HSPG2: variants seen among roughly 807,000 people sequenced by gnomAD.
HSPG2 encodes the protein heparan sulfate proteoglycan 2, also known as basement membrane-specific heparan sulfate proteoglycan core protein.
Under a neutral mutation model 526.6 loss-of-function variants are expected in HSPG2, and 278 were observed. The ratio of observed to expected loss-of-function variants is 0.53; its 90% CI spans 0.48 to 0.58. The LOEUF is 0.58. HSPG2 is among the 20% of genes least tolerant of loss of function. The pLI, the probability that HSPG2 is intolerant of heterozygous loss-of-function variation, is 0.00. For synonymous variants in HSPG2, 2,465 were observed against 2,555.4 expected, an observed-to-expected ratio of 0.96 and a Z score of 1.07; for missense variants, 5,354 against 6,099.5, an observed-to-expected ratio of 0.88 and a Z score of 4.07.
intron 1 of HSPG2, among the ~76,000 whole-genome samples, chr1:21,920,964 A>G (rs1038073937): frequency 6.6e-6 from 1 of 152,150 alleles, no homozygotes; most frequent in Non-Finnish European, 1.5e-5. Context: ...CAGATCTTCC[A>G]GCTCATCCCC....
intron 3 of HSPG2, among the ~76,000 whole-genome samples, chr1:21,892,086 C>T (rs1238880225): frequency 6.6e-6 from 1 of 152,246 alleles, no homozygotes; most frequent in Non-Finnish European, 1.5e-5. Context: ...TACTGCCAGG[C>T]CCATCCTCCT....
chr1:21,855,949 G>A (rs781199547), intron 44 of HSPG2, 37 bp from the exon 45 acceptor site: 12 of 1,601,152 alleles, frequency 7.5e-6, no homozygotes, highest in Non-Finnish European at 1.0e-5. Context: ...ACTCAGGGTG[G>A]GGAGTGTCGT....
intron 74 of HSPG2, among the ~76,000 whole-genome samples, chr1:21,838,572 A>G (rs2098036235): frequency 1.3e-5 from 2 of 152,188 alleles, no homozygotes; most frequent in East Asian, 1.9e-4. Flanking sequence ...TGTACACAGA[A>G]TGGTTTCCTT....
rs1331786157 is a variant in HSPG2 at position 21,828,018 on chromosome 1, A to G, written c.12532+12T>C. On this transcript the variant is annotated intron_variant, in intron 90 of 96. Transcript: ENST00000374695. The surrounding 1 kb of genome is among the most constrained non-coding windows in gnomAD (Gnocchi z 6.0). ...GACAGAGATGAAGTGGAGAGAAGCC[A>G]GGCCTGGGTACCTTGTTGGCAGCGT... 1.9e-6 allele frequency: 3 copies of G among 1,613,492 alleles called. No homozygotes were observed. Among genetic ancestry groups the G allele is most frequent in the Admixed American group, 3.3e-5 (2 of 59,978 alleles).
In HSPG2 at chr1:21,835,273, TC is replaced by T. The variant is rs1402435907; in HGVS notation, c.10453+266del. ...TGAGTAGGTGGGACTACAGGTGCGT[TC>T]CACCATGCCCGGTTCACACTGATTC... On this transcript the variant is annotated intron_variant, in intron 76 of 96. Coordinates refer to ENST00000374695, the MANE Select transcript of HSPG2 (RefSeq NM_005529.7). 1.2e-4 allele frequency: 69 copies of T among 597,254 alleles called. 1 individual carries two copies. The Admixed American group carries it at 1.9e-3, about 17-fold the overall frequency. 37.0% of individuals were successfully genotyped at this position (597,254 alleles called of 1,614,324 possible). A position where few individuals can be genotyped will look rare whatever the true frequency, so the allele number is the denominator to read the frequency against.
intron 75 of HSPG2, among the ~76,000 whole-genome samples, chr1:21,836,591 G>C (rs760720566): frequency 3.9e-5 from 6 of 152,178 alleles, no homozygotes; most frequent in Non-Finnish European, 7.3e-5. Flanking sequence ...CCAAAGTGCT[G>C]GGATTACAGG....
At chr1:21,846,766 G>A (rs1300796101) in intron 62 of HSPG2, among the ~76,000 whole-genome samples, 167 bp from the exon 63 acceptor site, 1 of 152,238 alleles carries the variant, frequency 6.6e-6, no homozygotes, top group African/African-American at 2.4e-5. Context: ...TTGGGAGGCT[G>A]AGGTGGGTGG....
chr1:21,915,130 T>A (rs1643860559), intron 1 of HSPG2, among the ~76,000 whole-genome samples: 1 of 152,178 alleles, frequency 6.6e-6, no homozygotes, highest in South Asian at 2.1e-4. Context: ...CCCGGCCAGA[T>A]CGTGAGGCCC....
rs1390385702 is a variant in HSPG2, at chr1:21,872,739, A to C, written c.3910T>G (p.Cys1304Gly). 1 of 1,609,188 alleles carries C rather than the reference A, an allele frequency of 6.2e-7. No homozygotes were observed. The part of the protein sequence containing the change: ...QCKAQVEGLT[C>G]SHCRPHHFHL... ...AAGTGGTGGGGCCGGCAGTGGCTGC[A>C]AGTGAGGCCTTCCACCTGGGCCTGG... Residue 1304 changes from cysteine (C) to glycine (G), a missense_variant, in exon 32 of 97, where the codon TGC becomes GGC. Transcript: ENST00000374695. The surrounding 1 kb of genome is among the most constrained non-coding windows in gnomAD (Gnocchi z 5.5).
intron 1 of HSPG2, among the ~76,000 whole-genome samples, chr1:21,920,467 G>C (rs1367389727): frequency 2.0e-5 from 3 of 152,230 alleles, no homozygotes; most frequent in South Asian, 2.1e-4. Context: ...AGAGGCCCAG[G>C]CTCCCTAAAA....
Position 21,827,918 on chromosome 1 carries a change from GC to G in HSPG2, c.12533del (p.Gly4178AlafsTer6). On this transcript the variant is annotated frameshift_variant and splice_region_variant, in exon 91 of 97. Coordinates refer to ENST00000374695, the MANE Select transcript of HSPG2 (RefSeq NM_005529.7). LOFTEE classifies it high-confidence loss of function. ...CGGACTCTGCTATGCCATGTCCAGA[GC>G]CTATGGAGAAGGGCAGGGTCCAGTT... is the stretch of plus-strand genomic sequence containing the variant. ...PGFSGPRCQQ[G>X]SGHGIAESDW... 6.2e-7 allele frequency: 1 copy of G among 1,603,148 alleles called. No homozygotes were observed. Among genetic ancestry groups the G allele is most frequent in the Non-Finnish European group, 8.5e-7 (1 of 1,175,300 alleles).
In HSPG2 at chr1:21,880,830, G is replaced by C. The variant is rs1284729154; in HGVS notation, c.1824C>G (p.Asp608Glu). The C allele has an allele frequency of 6.3e-7, 1 of 1,591,606 alleles. No homozygotes were observed. The highest frequency in any genetic ancestry group is 2.3e-5 in the East Asian group (1 of 43,782). Residue 608 changes from aspartate to glutamate, a missense_variant, in exon 15 of 97, where the codon GAC (aspartate) becomes GAG (glutamate). Physicochemically the swap from Asp to Glu is conservative, Grantham distance 45 (BLOSUM62 2). Coordinates refer to ENST00000374695, the MANE Select transcript of HSPG2 (RefSeq NM_005529.7). ...LPEQFLGNKV[D>E]SYGGSLRYNV... is the part of the protein sequence containing the mutation. The stretch of plus-strand genomic sequence containing the variant: ...TGTAACGCAGGGAGCCGCCATAGGA[G>C]TCCACCTGGCACAACAGGGTGGATC...
Position 21,858,481 on chromosome 1 carries a change from C to G in HSPG2, c.5293+1085G>C, listed in dbSNP as rs559996440. Among the ~76,000 whole-genome samples the G allele has an allele frequency of 6.6e-6, 1 of 152,352 alleles. No individual in the cohort carries two copies. Among genetic ancestry groups the G allele is most frequent in the Admixed American group, 6.5e-5 (1 of 15,302 alleles). On this transcript the variant is annotated intron_variant, in intron 42 of 96. Transcript: ENST00000374695. This position sits in a 1 kb window ranked among gnomAD's most constrained non-coding sequence, Gnocchi z 4.2. The stretch of plus-strand genomic sequence containing the variant: ...ATAGCTTTGAACACCATCCCTGTGC[C>G]AACAGCAACCATACTCATTTCTCTG...
chr1:21,829,687 C>G (rs1412282176), intron 86 of HSPG2, 83 bp from the exon 87 acceptor site: 4 of 1,208,372 alleles, frequency 3.3e-6, no homozygotes, highest in Non-Finnish European at 3.5e-6. Flanking sequence ...CCTCTGGGAC[C>G]CTTGCCTGCC....
intron 1 of HSPG2, among the ~76,000 whole-genome samples, chr1:21,900,356 A>T (rs775861892): frequency 3.3e-5 from 5 of 152,188 alleles, no homozygotes; most frequent in Non-Finnish European, 7.4e-5. Flanking sequence ...GGTGACCCCC[A>T]GTGGGCAGGC....
intron 1 of HSPG2, among the ~76,000 whole-genome samples, chr1:21,923,031 T>A (rs1411169468): frequency 9.7e-6 from 1 of 102,686 alleles, no homozygotes; most frequent in African/African-American, 3.1e-5. Context: ...ACCCCAAGAC[T>A]GCGCCCTTCA....
At chr1:21,889,162 G>T (rs1159168681) in intron 6 of HSPG2, among the ~76,000 whole-genome samples, 5 of 152,190 alleles carry the variant, frequency 3.3e-5, no homozygotes, top group Non-Finnish European at 7.3e-5. Context: ...CCATAGTAGG[G>T]GATGGAGTTT....
At chr1:21,908,651 G>A in intron 1 of HSPG2, 1 of 515,070 alleles carries the variant, frequency 1.9e-6, no homozygotes, top group South Asian at 2.2e-5. Flanking sequence ...GATTATCTTT[G>A]TTATTTTGAT....
At position 21,844,214 on chromosome 1, in the gene HSPG2, C is replaced by T. The variant is rs1638238552; in HGVS notation, c.8550G>A (p.Val2850=). 4 of 1,613,702 alleles carry T rather than the reference C, an allele frequency of 2.5e-6. No homozygotes were observed. The highest frequency in any genetic ancestry group is 3.4e-6 in the Non-Finnish European group (4 of 1,180,040). ...EGQTLDLKCV[V]PGQAHAQVTW... ...TGACCTGGGCGTGGGCCTGCCCGGG[C>T]ACCACGCACTTCAGATCCAGGGTCT... Residue 2850 remains valine, a synonymous_variant, in exon 65 of 97, where the codon GTG becomes GTA. Transcript: ENST00000374695.
Sources: gnomAD v4.1 joint callset for allele counts (sites outside exome capture counted in the v4.1 genomes callset) on GRCh38, gnomAD v4.1.1 for gene constraint, Gnocchi (gnomAD v3.1) non-coding constraint, MANE v1.5 for transcripts, NCBI Gene and HGNC (gene_info 2026-07-23, HGNC 2026-07-21) for gene names.